TLK1: variants seen among roughly 807,000 people sequenced by gnomAD.
The protein encoded by TLK1 is tousled like kinase 1, also known as serine/threonine-protein kinase tousled-like 1.
Under a neutral mutation model 105.3 loss-of-function variants are expected in TLK1, and 24 were observed. The ratio of observed to expected loss-of-function variants is 0.23; its 90% CI spans 0.17 to 0.32. The LOEUF is 0.32. Ranked by LOEUF, TLK1 falls within the 10% of genes least tolerant of loss-of-function variation. The probability of loss-of-function intolerance (pLI) is 1.00; values close to 1 mark genes in which losing one functional copy is unlikely to be tolerated. For synonymous variants in TLK1, 321 were observed against 310.4 expected (o/e 1.03, Z -0.36); for missense variants, 558 against 910.5 (o/e 0.61, Z 4.98).
chr2:171,024,490 T>A (rs1685682591), intron 12 of TLK1, among the ~76,000 whole-genome samples: 1 of 152,104 alleles, frequency 6.6e-6, no homozygotes, highest in Non-Finnish European at 1.5e-5. Context: ...AGCACGTTCA[T>A]CCCGCCACAC....
chr2:171,063,066 C>T (rs1337179687), intron 3 of TLK1, among the ~76,000 whole-genome samples: 2 of 152,140 alleles, frequency 1.3e-5, no homozygotes, highest in Non-Finnish European at 2.9e-5. Flanking sequence ...CCTAAATCGG[C>T]CGGGTGCAGT....
chr2:171,046,263 G>T lies in TLK1; in HGVS notation c.1080C>A (p.Pro360=). ...KPPTANNSQA[P]STNSEPKQRK... ...TTTGTTTTGGTTCAGAATTGGTAGAGGGTGCCTGAGAATTATTAGCTGTGG... is the reference window on the plus strand; with the variant it reads ...TTTGTTTTGGTTCAGAATTGGTAGATGGTGCCTGAGAATTATTAGCTGTGG... The change falls in exon 11 of 21, where the codon CCC becomes CCA. Residue 360 remains proline (P), a synonymous_variant. Coordinates refer to ENST00000431350, the MANE Select transcript of TLK1 (RefSeq NM_012290.5). 6.2e-7 allele frequency: 1 copy of T among 1,613,616 alleles called. No homozygotes were observed. Among genetic ancestry groups the T allele is most frequent in the Non-Finnish European group, 8.5e-7 (1 of 1,179,704 alleles).
At chr2:171,231,008 A>C (rs564630679) in intron 1 of TLK1, 1 of 152,366 alleles carries the variant, frequency 6.6e-6, no homozygotes, top group African/African-American at 2.4e-5. Flanking sequence ...ATATGGAGAG[A>C]AATACAGAAA....
intron 11 of TLK1, among the ~76,000 whole-genome samples, chr2:171,040,461 A>T (rs1161535662): frequency 6.6e-6 from 1 of 152,138 alleles, no homozygotes; most frequent in Non-Finnish European, 1.5e-5. Context: ...TTTCTGCTCA[A>T]TTCTGCTGTA....
At chr2:171,199,856 A>C (rs1289030190) in intron 1 of TLK1, among the ~76,000 whole-genome samples, 1 of 152,238 alleles carries the variant, frequency 6.6e-6, no homozygotes, top group Non-Finnish European at 1.5e-5. Flanking sequence ...ACTGGTAAGC[A>C]AATAAACTCA....
Position 171,151,379 on chromosome 2 carries a change from TAAC to T in TLK1, c.139+8908_139+8910del, listed in dbSNP as rs1167402709. Among the ~76,000 whole-genome samples the T allele has an allele frequency of 4.0e-5, 6 of 151,656 alleles. No individual in the cohort carries two copies. The East Asian group carries it at 1.2e-3, about 29-fold the overall frequency. On this transcript the variant is annotated intron_variant, in intron 1 of 20. Transcript: ENST00000431350. ...TTCCTCATCTATAAAGTCGGGATAA[TAAC>T]AGGACTTCATGTGATTGTTAGGAGA...
intron 3 of TLK1, among the ~76,000 whole-genome samples, chr2:171,069,934 C>T (rs1369646390): frequency 8.5e-5 from 13 of 152,308 alleles, no homozygotes; most frequent in East Asian, 1.9e-4. Context: ...AATTTGAAAA[C>T]TGCTTTTGTA....
intron 1 of TLK1, among the ~76,000 whole-genome samples, chr2:171,195,371 T>C (rs185545359): frequency 0.014 from 2,064 of 151,436 alleles, 104 homozygotes; most frequent in Admixed American, 0.1. Context: ...GGCATGGTGG[T>C]GGGCGCCTGT....
intron 1 of TLK1, among the ~76,000 whole-genome samples, chr2:171,225,173 G>T (rs1219693327): frequency 2.0e-5 from 3 of 152,126 alleles, no homozygotes; most frequent in African/African-American, 7.2e-5. Flanking sequence ...CTGCTTCAAA[G>T]GACATCAGTG....
chr2:171,184,324 C>T (rs1350910754), intron 1 of TLK1, among the ~76,000 whole-genome samples: 1 of 152,140 alleles, frequency 6.6e-6, no homozygotes, highest in Non-Finnish European at 1.5e-5. Context: ...TTGTTTAAGC[C>T]ATCAAGTTTT....
chr2:171,163,464 G>C (rs1692553117), upstream of TLK1, among the ~76,000 whole-genome samples: 1 of 152,192 alleles, frequency 6.6e-6, no homozygotes, highest in Non-Finnish European at 1.5e-5. Context: ...TTAGTCAGCA[G>C]ATTGCGGTGA....
chr2:171,039,121 T>C (rs184409621), intron 11 of TLK1, among the ~76,000 whole-genome samples: 14 of 152,330 alleles, frequency 9.2e-5, no homozygotes, highest in Admixed American at 9.1e-4. Context: ...TTAATATAGC[T>C]TTCTTTTGGG....
At chr2:171,031,895 C>T (rs923489324) in intron 11 of TLK1, among the ~76,000 whole-genome samples, 2 of 152,058 alleles carry the variant, frequency 1.3e-5, no homozygotes, top group African/African-American at 4.8e-5. Context: ...CCTCAAAGAA[C>T]ACAAACTATG....
At chr2:171,090,502 G>A (rs550831484) in intron 2 of TLK1, among the ~76,000 whole-genome samples, 73 of 152,220 alleles carry the variant, frequency 4.8e-4, no homozygotes, top group African/African-American at 1.5e-3. Context: ...CTTATGATTT[G>A]TGCATTATTC....
intron 1 of TLK1, among the ~76,000 whole-genome samples, chr2:171,150,916 T>C (rs1049076312): frequency 6.6e-6 from 1 of 152,142 alleles, no homozygotes; most frequent in Non-Finnish European, 1.5e-5. Flanking sequence ...TTATAGTGCA[T>C]CCATTCAAGG....
At chr2:171,015,831 G>C (rs922572876) in intron 12 of TLK1, among the ~76,000 whole-genome samples, 1 of 152,022 alleles carries the variant, frequency 6.6e-6, no homozygotes, top group Non-Finnish European at 1.5e-5. Context: ...CAGCACTTTG[G>C]ACTTTGGGAG....
At chr2:171,084,284 A>C (rs1256511614) in intron 2 of TLK1, among the ~76,000 whole-genome samples, 1 of 152,194 alleles carries the variant, frequency 6.6e-6, no homozygotes, top group African/African-American at 2.4e-5. Context: ...AAGTGGGAGG[A>C]GTCCACGGTT....
intron 1 of TLK1, among the ~76,000 whole-genome samples, chr2:171,168,864 T>C (rs1021036829): frequency 2.0e-5 from 3 of 152,144 alleles, no homozygotes; most frequent in African/African-American, 4.8e-5. Context: ...GTGGATCACT[T>C]GAGGTAAGGA....
intron 4 of TLK1, 149 bp downstream of exon 4, chr2:171,060,932 A>G: frequency 1.5e-6 from 1 of 676,716 alleles, no homozygotes; most frequent in Admixed American, 3.3e-5. Flanking sequence ...TGAAAAGCCT[A>G]AAAGCAATCA....
Sources: gnomAD v4.1 joint callset for allele counts (sites outside exome capture counted in the v4.1 genomes callset) on GRCh38, gnomAD v4.1.1 for gene constraint, MANE v1.5 for transcripts, NCBI Gene and HGNC (gene_info 2026-07-23, HGNC 2026-07-21) for gene names.